The following SHISA9 variants were observed in gnomAD, a reference collection of about 807,000 sequenced individuals.
SHISA9 encodes shisa family member 9.
Under a neutral mutation model 38.0 loss-of-function variants are expected in SHISA9, and 13 were observed. That is an observed-to-expected ratio of 0.34 (90% CI 0.22 to 0.54). SHISA9 has a LOEUF of 0.54. Ranked by LOEUF, SHISA9 falls within the 20% of genes least tolerant of loss-of-function variation. SHISA9 has a pLI of 0.91. For synonymous variants in SHISA9, 275 were observed against 242.0 expected, an observed-to-expected ratio of 1.14 and a Z score of -1.27; for missense variants, 538 against 575.8, an observed-to-expected ratio of 0.93 and a Z score of 0.67.
chr16:13,469,997 A>C, the SHISA9 span, among the ~76,000 whole-genome samples: 1 of 152,176 alleles, frequency 6.6e-6, no homozygotes, highest in Non-Finnish European at 1.5e-5. Context: ...GGGGCTAGGC[A>C]CCAATATTGT....
intron 2 of SHISA9, among the ~76,000 whole-genome samples, chr16:12,923,256 G>A (rs1011373603): frequency 6.6e-6 from 1 of 152,236 alleles, no homozygotes; most frequent in Non-Finnish European, 1.5e-5. Context: ...GGGGCCAGGT[G>A]CAGTGGCTCA....
chr16:13,294,464 G>A, the SHISA9 span, among the ~76,000 whole-genome samples: 32 of 152,180 alleles, frequency 2.1e-4, no homozygotes, highest in African/African-American at 6.3e-4. Context: ...TGCAGAAAGT[G>A]CAAGACTCTT....
At chr16:13,037,413 A>G (rs2073087678) in intron 2 of SHISA9, among the ~76,000 whole-genome samples, 1 of 151,854 alleles carries the variant, frequency 6.6e-6, no homozygotes, top group African/African-American at 2.4e-5. Context: ...CATAACATGC[A>G]TATCAGCAGC....
At chr16:13,466,956 GGTTGTACTCAGGATA>G in the SHISA9 span, among the ~76,000 whole-genome samples, 1 of 152,148 alleles carries the variant, frequency 6.6e-6, no homozygotes, top group African/African-American at 2.4e-5. Context: ...GTGCAGTTTT[GGTTGTACTCAGGATA>G]GTTGTATCAT....
chr16:13,542,126 C>T, the SHISA9 span, among the ~76,000 whole-genome samples: 1 of 152,142 alleles, frequency 6.6e-6, no homozygotes, highest in African/African-American at 2.4e-5. Context: ...AGCCAAGGGA[C>T]ACCTGGAACC....
intron 2 of SHISA9, among the ~76,000 whole-genome samples, chr16:12,943,998 G>A (rs1057225859): frequency 3.3e-4 from 50 of 152,134 alleles, no homozygotes; most frequent in African/African-American, 1.1e-3. Context: ...ATTCTTTGTT[G>A]TGGGGCTGCT....
At chr16:13,081,344 C>A (rs1315409558) in intron 2 of SHISA9, among the ~76,000 whole-genome samples, 8 of 152,140 alleles carry the variant, frequency 5.3e-5, no homozygotes, top group Admixed American at 5.2e-4. Context: ...GATGAGATGG[C>A]AAAGACAACT....
chr16:13,124,398 G>A (rs2050238988), intron 2 of SHISA9, among the ~76,000 whole-genome samples: 2 of 152,170 alleles, frequency 1.3e-5, no homozygotes, highest in South Asian at 2.1e-4. Context: ...GAGGAGGGAT[G>A]GTGTCAGTTC....
In SHISA9 at chr16:13,000,416, G is replaced by A. The variant is rs74012227; in HGVS notation, c.691+83601G>A. On this transcript the variant is annotated intron_variant, in intron 2 of 4. Coordinates refer to ENST00000558583, the MANE Select transcript of SHISA9 (RefSeq NM_001145204.3). The stretch of plus-strand genomic sequence containing the variant: ...GAGACTAGCCTCAGACTGATCCTGC[G>A]CACAGCTCTGGAGTGTAAATGGCAT... 1.6e-3 allele frequency among the ~76,000 whole-genome samples: 240 copies of A among 152,280 alleles called. 1 individual carries two copies. Among genetic ancestry groups the A allele is most frequent in the African/African-American group, 5.3e-3 (220 of 41,560 alleles).
chr16:12,976,006 C>T (rs981121406), intron 2 of SHISA9, among the ~76,000 whole-genome samples: 5 of 152,006 alleles, frequency 3.3e-5, no homozygotes, highest in African/African-American at 1.2e-4. Context: ...CAATTAGTTT[C>T]ACTTGGCAAC....
chr16:13,478,286 C>G, the SHISA9 span, among the ~76,000 whole-genome samples: 2 of 146,566 alleles, frequency 1.4e-5, no homozygotes, highest in Non-Finnish European at 3.0e-5. Context: ...AAGCTCACCT[C>G]TTAGTGCTGA....
At chr16:13,316,632 G>GA in the SHISA9 span, among the ~76,000 whole-genome samples, 1 of 151,738 alleles carries the variant, frequency 6.6e-6, no homozygotes, top group African/African-American at 2.4e-5. Flanking sequence ...GTACCACTAA[G>GA]AAAAAAAACC....
intron 2 of SHISA9, among the ~76,000 whole-genome samples, chr16:13,007,543 T>A (rs947666947): frequency 1.3e-5 from 2 of 152,164 alleles, no homozygotes; most frequent in Non-Finnish European, 2.9e-5. Flanking sequence ...ATCCCAACCG[T>A]GTCATATTTT....
chr16:12,937,879 G>A (rs984932073), intron 2 of SHISA9, among the ~76,000 whole-genome samples: 11 of 152,018 alleles, frequency 7.2e-5, no homozygotes, highest in Non-Finnish European at 2.9e-5. Context: ...TTTGCTTTTG[G>A]TCTATTTAGA....
chr16:13,105,851 G>A (rs745421769), intron 2 of SHISA9, among the ~76,000 whole-genome samples: 152 of 152,156 alleles, frequency 1.0e-3, no homozygotes, highest in Non-Finnish European at 1.7e-3. Flanking sequence ...GGAACATTGA[G>A]CATGTTGAAG....
chr16:13,455,744 T>A, the SHISA9 span, among the ~76,000 whole-genome samples: 1 of 152,320 alleles, frequency 6.6e-6, no homozygotes, highest in South Asian at 2.1e-4. Context: ...CTCAGCTTTT[T>A]AGTGGATCTA....
chr16:13,355,991 G>T, the SHISA9 span, among the ~76,000 whole-genome samples: 49 of 152,192 alleles, frequency 3.2e-4, no homozygotes, highest in Non-Finnish European at 6.5e-4. Flanking sequence ...CCAGGCTGCG[G>T]GCATTCCTTG....
At chr16:13,530,020 T>G in the SHISA9 span, among the ~76,000 whole-genome samples, 3 of 152,196 alleles carry the variant, frequency 2.0e-5, no homozygotes, top group Non-Finnish European at 4.4e-5. Context: ...ACCTTCTAAC[T>G]GGGTGCAGTG....
chr16:13,118,055 A>G (rs2074047975), intron 2 of SHISA9, among the ~76,000 whole-genome samples: 2 of 151,854 alleles, frequency 1.3e-5, no homozygotes, highest in South Asian at 4.2e-4. Context: ...GGTGGTGCGT[A>G]CCTTTAATCC....
Sources: allele counts gnomAD v4.1 joint callset (sites outside exome capture counted in the v4.1 genomes callset), GRCh38; gene constraint gnomAD v4.1.1; transcripts MANE v1.5; gene names NCBI Gene and HGNC (gene_info 2026-07-23, HGNC 2026-07-21).